Variants in KDM4B observed in about 807,000 individuals in gnomAD.
KDM4B encodes the protein lysine-specific demethylase 4B.
Under a neutral mutation model 125.2 loss-of-function variants are expected in KDM4B, and 32 were observed. The observed-to-expected ratio is 0.26, with a 90% CI of 0.19 to 0.34. The LOEUF is 0.34. Among genes scored for constraint, KDM4B ranks in the 10% least tolerant of loss-of-function variants. The pLI is 1.00. For synonymous variants in KDM4B, 721 were observed against 677.9 expected, an observed-to-expected ratio of 1.06 and a Z score of -0.99; for missense variants, 1,190 against 1,577.7, an observed-to-expected ratio of 0.75 and a Z score of 4.16.
Position 4,976,206 on chromosome 19 carries a change from G to A in KDM4B, c.-109+6976G>A, listed in dbSNP as rs193145289. Among the ~76,000 whole-genome samples, 351 of 147,110 alleles carry A rather than the reference G, an allele frequency of 2.4e-3. 1 individual carries two copies. Among genetic ancestry groups the A allele is most frequent in the Non-Finnish European group, 3.1e-3 (209 of 67,360 alleles). The stretch of plus-strand genomic sequence containing the variant: ...AGGGGTTGCAGTGAGCTGAGATCAC[G>A]TCACTGCACTCCAGCCTGGGCGACA... On this transcript the variant is annotated intron_variant, in intron 1 of 22. Coordinates refer to ENST00000159111, the MANE Select transcript of KDM4B (RefSeq NM_015015.3).
intron 7 of KDM4B, chr19:5,075,952 G>A (rs79712604): frequency 0.014 from 2,191 of 157,924 alleles, 61 homozygotes; most frequent in South Asian, 0.06. Context: ...GAAAGCAGGT[G>A]CCCAAGGGGG....
intron 9 of KDM4B, among the ~76,000 whole-genome samples, chr19:5,097,036 A>C (rs1395863607): frequency 6.6e-6 from 1 of 152,190 alleles, no homozygotes; most frequent in African/African-American, 2.4e-5. Context: ...GTGTGGAGTC[A>C]GCAGGGCGGG....
At chr19:5,122,132 TG>T in intron 11 of KDM4B, among the ~76,000 whole-genome samples, 2 of 152,320 alleles carry the variant, frequency 1.3e-5, no homozygotes, top group Admixed American at 1.3e-4. Flanking sequence ...AATCAAGCTG[TG>T]GGCAGGGCTG....
chr19:5,060,443 AAAAAAAAAAAAAAAAAAAAAG>A (rs1426393357), intron 6 of KDM4B, among the ~76,000 whole-genome samples: 6 of 127,000 alleles, frequency 4.7e-5, no homozygotes, highest in African/African-American at 2.3e-4. Flanking sequence ...CAAAAAAAAA[AAAAAAAAAAAAAAAAAAAAAG>A]GGAGCCATGA....
At chr19:4,988,941 C>T (rs1296356086) in intron 1 of KDM4B, among the ~76,000 whole-genome samples, 2 of 152,226 alleles carry the variant, frequency 1.3e-5, no homozygotes, top group Admixed American at 1.3e-4. Flanking sequence ...GCCCTATTCC[C>T]TCAGCTCCCG....
chr19:5,004,986 C>G (rs2035512296), intron 1 of KDM4B, among the ~76,000 whole-genome samples: 1 of 152,250 alleles, frequency 6.6e-6, no homozygotes, highest in African/African-American at 2.4e-5. Flanking sequence ...ATTCTCCCAC[C>G]CCTGGAAGTG....
At chr19:5,129,182 G>C (rs976601748) in intron 11 of KDM4B, among the ~76,000 whole-genome samples, 13 of 152,174 alleles carry the variant, frequency 8.5e-5, no homozygotes, top group African/African-American at 3.1e-4. Context: ...GTGGGGAGGA[G>C]AGCTGGAGCA....
intron 1 of KDM4B, among the ~76,000 whole-genome samples, chr19:4,980,238 C>A (rs1165380611): frequency 6.6e-6 from 1 of 152,058 alleles, no homozygotes; most frequent in East Asian, 1.9e-4. Flanking sequence ...ACTATCCATC[C>A]CCTCCCCCAT....
chr19:5,033,130 C>T, intron 3 of KDM4B, 99 bp downstream of exon 3: 1 of 1,404,704 alleles, frequency 7.1e-7, no homozygotes. Flanking sequence ...CAGGCGTGGC[C>T]TGTGCACGTG....
intron 2 of KDM4B, 147 bp from the exon 3 acceptor site, chr19:5,032,719 T>C (rs2036497117): frequency 3.1e-6 from 2 of 653,152 alleles, no homozygotes; most frequent in Non-Finnish European, 5.2e-6. Flanking sequence ...TTTTCTCTTC[T>C]GCCCTCACTC....
chr19:4,983,367 A>T (rs549314847), intron 1 of KDM4B, among the ~76,000 whole-genome samples: 5 of 152,022 alleles, frequency 3.3e-5, no homozygotes, highest in Non-Finnish European at 5.9e-5. Flanking sequence ...TATGGCTCTG[A>T]TGGTGTCTGG....
intron 10 of KDM4B, 81 bp from the exon 11 acceptor site, chr19:5,119,572 C>T (rs1030737750): frequency 1.0e-5 from 14 of 1,353,732 alleles, no homozygotes; most frequent in Admixed American, 5.9e-5. Flanking sequence ...GCGGGGGCTG[C>T]GTGCTGCCGG....
chr19:5,058,697 CTTGGT>C (rs2037486852), intron 6 of KDM4B, among the ~76,000 whole-genome samples: 1 of 152,220 alleles, frequency 6.6e-6, no homozygotes, highest in Non-Finnish European at 1.5e-5. Flanking sequence ...CACCCGCTGG[CTTGGT>C]CTGGCAGGAG....
At chr19:5,125,947 A>G (rs1049104410) in intron 11 of KDM4B, among the ~76,000 whole-genome samples, 1 of 152,176 alleles carries the variant, frequency 6.6e-6, no homozygotes, top group African/African-American at 2.4e-5. Context: ...TCATAAATGC[A>G]TGTTCACAGT....
chr19:5,146,656 G>T, intron 21 of KDM4B, among the ~76,000 whole-genome samples: 1 of 151,892 alleles, frequency 6.6e-6, no homozygotes, highest in Non-Finnish European at 1.5e-5. Context: ...GCTGGGCGCG[G>T]TGGTTCACAC....
In KDM4B at chr19:5,005,792, G is replaced by A. The variant is rs571536577; in HGVS notation, c.-108-10465G>A. Among the ~76,000 whole-genome samples, 5 of 152,254 alleles carry A rather than the reference G, an allele frequency of 3.3e-5. No individual in the cohort carries two copies. The South Asian group carries it at 6.2e-4, about 19-fold the overall frequency. On this transcript the variant is annotated intron_variant, in intron 1 of 22. Transcript: ENST00000159111. ...GAGAAGGTCCCCACCATTCTCCAGC[G>A]GCTGCCTCGCCACACAGCTGGGAGG...
chr19:5,022,187 C>T (rs963653135), intron 2 of KDM4B, among the ~76,000 whole-genome samples: 1 of 152,184 alleles, frequency 6.6e-6, no homozygotes, highest in Non-Finnish European at 1.5e-5. Flanking sequence ...TCATTCAGCA[C>T]AGGCGGGCCC....
intron 11 of KDM4B, among the ~76,000 whole-genome samples, chr19:5,120,558 G>T (rs2613797): frequency 1.3e-5 from 2 of 152,010 alleles, no homozygotes; most frequent in African/African-American, 4.8e-5. Context: ...GGGTGCGGGG[G>T]GCCGGGAGGC....
At chr19:5,012,793 C>A (rs2145496761) in intron 1 of KDM4B, among the ~76,000 whole-genome samples, 1 of 152,340 alleles carries the variant, frequency 6.6e-6, no homozygotes, top group Non-Finnish European at 1.5e-5. Context: ...GTTGCTGCTG[C>A]CCTGACGGCG....
Sources: allele counts gnomAD v4.1 joint callset (sites outside exome capture counted in the v4.1 genomes callset), GRCh38; gene constraint gnomAD v4.1.1; transcripts MANE v1.5; gene names NCBI Gene and HGNC (gene_info 2026-07-23, HGNC 2026-07-21).